Variants in FAM107B observed in about 807,000 individuals in gnomAD.
FAM107B encodes family with sequence similarity 107 member B.
A neutral mutation model predicts 31.5 loss-of-function variants in FAM107B; 21 were observed. The ratio of observed to expected loss-of-function variants is 0.67; its 90% CI spans 0.47 to 0.96. The LOEUF is 0.96. Among genes scored for constraint, FAM107B ranks in the 40% least tolerant of loss-of-function variants. The pLI is 0.00. For missense variants in FAM107B, 452 were observed against 377.1 expected (o/e 1.20, Z -1.64); for synonymous variants, 157 against 141.5 (o/e 1.11, Z -0.78).
rs1453329678 is a variant in FAM107B at position 14,558,624 on chromosome 10, T to C, written c.470-28109A>G. On this transcript the variant is annotated intron_variant, in intron 2 of 4. Transcript: ENST00000181796. Reference sequence around the variant, plus strand: ...TTTAACTGTATTCCTTCTCCATTTCTGAACTCAGCGTCTAAGGTGATCCTG... The same window carrying C: ...TTTAACTGTATTCCTTCTCCATTTCCGAACTCAGCGTCTAAGGTGATCCTG... Among the ~76,000 whole-genome samples the C allele has an allele frequency of 2.6e-5, 4 of 152,172 alleles. No homozygotes were observed. The East Asian group carries it at 7.7e-4, about 29-fold the overall frequency.
At position 14,689,998 on chromosome 10, in the gene FAM107B, A is replaced by AAAGG. The variant is rs150130671; in HGVS notation, c.412-22311_412-22308dup. ...AAGAAAAAAAGAAGAAAGAAAGACA[A>AAAGG]AAGGAAGGAAGGAAGGAAGGAAGGA... On this transcript the variant is annotated intron_variant, in intron 1 of 4. Coordinates refer to ENST00000181796, the MANE Select transcript of FAM107B (RefSeq NM_031453.4). 4.4e-3 allele frequency among the ~76,000 whole-genome samples: 561 copies of AAAGG among 127,368 alleles called. 4 individuals are homozygous for AAAGG. Among genetic ancestry groups the AAAGG allele is most frequent in the African/African-American group, 0.011 (347 of 32,548 alleles). 83.6% of individuals were successfully genotyped at this position (127,368 alleles called of 152,430 possible). A position where few individuals can be genotyped will look rare whatever the true frequency, so the allele number is the denominator to read the frequency against.
rs1023076788 is a variant in FAM107B, at chr10:14,553,259, C to A, written c.470-22744G>T. The A allele has an allele frequency of 3.2e-6, 3 of 949,714 alleles. No individual in the cohort carries two copies. In the African/African-American group the frequency reaches 5.3e-5, roughly 17 times the overall value. 58.8% of individuals were successfully genotyped at this position (949,714 alleles called of 1,614,324 possible). A position where few individuals can be genotyped will look rare whatever the true frequency, so the allele number is the denominator to read the frequency against. The stretch of plus-strand genomic sequence containing the variant: ...TATCTGTTCACAGGTAAGTTTTTCC[C>A]CTACATCATGATGAAAGCTGAGGAA... On this transcript the variant is annotated intron_variant, in intron 2 of 4. Coordinates refer to ENST00000181796, the MANE Select transcript of FAM107B (RefSeq NM_031453.4).
intron 1 of FAM107B, among the ~76,000 whole-genome samples, chr10:14,672,492 C>T (rs755467775): frequency 4.6e-5 from 7 of 152,264 alleles, no homozygotes; most frequent in South Asian, 2.1e-4. Flanking sequence ...CATTTACAGT[C>T]GTGTGTTGTC....
chr10:14,627,234 A>G (rs1853188517), intron 2 of FAM107B, among the ~76,000 whole-genome samples: 1 of 152,232 alleles, frequency 6.6e-6, no homozygotes, highest in Non-Finnish European at 1.5e-5. Context: ...ATTAATTCTT[A>G]AAGTATTGCA....
chr10:14,710,411 T>G (rs1195811346), intron 1 of FAM107B, among the ~76,000 whole-genome samples: 4 of 150,226 alleles, frequency 2.7e-5, no homozygotes, highest in Admixed American at 6.7e-5. Context: ...TATACATATT[T>G]TTTTGCCTGT....
rs565771518 is a variant in FAM107B at position 14,760,110 on chromosome 10, C to T, written c.411+14143G>A. Among the ~76,000 whole-genome samples, 27 of 152,252 alleles carry T rather than the reference C, an allele frequency of 1.8e-4. No individual in the cohort carries two copies. In the South Asian group the frequency reaches 2.3e-3, roughly 13 times the overall value. ...ACTTGATAGAAACAATTTAAGGCCA[C>T]GTGGGAGAATAGGTTCCAAGATAAT... is the stretch of plus-strand genomic sequence containing the variant. On this transcript the variant is annotated intron_variant, in intron 1 of 4. Coordinates refer to ENST00000181796, the MANE Select transcript of FAM107B (RefSeq NM_031453.4).
chr10:14,644,489 A>C (rs1853705537), intron 2 of FAM107B, among the ~76,000 whole-genome samples: 1 of 152,226 alleles, frequency 6.6e-6, no homozygotes, highest in Admixed American at 6.5e-5. Context: ...CACCATGTAC[A>C]TTTGTACATT....
intron 1 of FAM107B, among the ~76,000 whole-genome samples, chr10:14,707,883 C>A (rs1382702761): frequency 6.6e-6 from 1 of 152,054 alleles, no homozygotes; most frequent in Non-Finnish European, 1.5e-5. Context: ...GTGAAGGAGA[C>A]ACCAAGCTTA....
chr10:14,626,854 C>G (rs1853179093), intron 2 of FAM107B, among the ~76,000 whole-genome samples: 1 of 152,138 alleles, frequency 6.6e-6, no homozygotes, highest in Admixed American at 6.5e-5. Context: ...ATAAAAAGTA[C>G]TATGGAGCAC....
chr10:14,572,773 GTA>G (rs1318213186), intron 2 of FAM107B, among the ~76,000 whole-genome samples: 1 of 91,526 alleles, frequency 1.1e-5, no homozygotes, highest in Non-Finnish European at 2.4e-5. Context: ...GAGTGTGTGT[GTA>G]TATATGTTAT....
intron 2 of FAM107B, among the ~76,000 whole-genome samples, chr10:14,661,090 C>T (rs1006263236): frequency 6.6e-6 from 1 of 152,234 alleles, no homozygotes; most frequent in African/African-American, 2.4e-5. Flanking sequence ...CCTACTTCCC[C>T]TTCACCTTCT....
At chr10:14,705,288 T>C (rs1855494490) in intron 1 of FAM107B, among the ~76,000 whole-genome samples, 2 of 152,148 alleles carry the variant, frequency 1.3e-5, no homozygotes, top group African/African-American at 4.8e-5. Flanking sequence ...GCAGGTGCTA[T>C]AGAAAACAGT....
At chr10:14,539,370 C>G (rs920155138) in intron 2 of FAM107B, among the ~76,000 whole-genome samples, 17 of 152,144 alleles carry the variant, frequency 1.1e-4, no homozygotes, top group African/African-American at 3.6e-4. Flanking sequence ...TCCATGCAAA[C>G]TAGCAAATTA....
At chr10:14,739,881 T>C (rs541373858) in intron 1 of FAM107B, among the ~76,000 whole-genome samples, 22 of 152,298 alleles carry the variant, frequency 1.4e-4, no homozygotes, top group East Asian at 7.7e-4. Context: ...AGAGTCCTGA[T>C]GGCACTGTTT....
chr10:14,545,459 C>T (rs1487514484), intron 2 of FAM107B, among the ~76,000 whole-genome samples: 2 of 152,086 alleles, frequency 1.3e-5, no homozygotes, highest in African/African-American at 4.8e-5. Flanking sequence ...TCTTTGAAGG[C>T]TAAAAAAAGA....
intron 2 of FAM107B, among the ~76,000 whole-genome samples, chr10:14,551,070 G>A (rs937950174): frequency 1.2e-4 from 19 of 152,214 alleles, no homozygotes; most frequent in African/African-American, 4.6e-4. Flanking sequence ...ACTTAAAAAT[G>A]TAGCACAAAG....
intron 2 of FAM107B, among the ~76,000 whole-genome samples, chr10:14,600,310 C>T (rs1035593494): frequency 1.9e-4 from 29 of 152,158 alleles, no homozygotes; most frequent in Non-Finnish European, 2.2e-4. Context: ...TACGGTTTCC[C>T]GATCCACCTT....
At chr10:14,693,511 G>T (rs918824055) in intron 1 of FAM107B, among the ~76,000 whole-genome samples, 1 of 151,810 alleles carries the variant, frequency 6.6e-6, no homozygotes, top group Non-Finnish European at 1.5e-5. Context: ...GGACACTATG[G>T]GATACATATG....
At chr10:14,681,427 C>G (rs7079214) in intron 1 of FAM107B, among the ~76,000 whole-genome samples, 56,145 of 152,082 alleles carry the variant, frequency 0.37, 11,353 homozygotes, top group Non-Finnish European at 0.46. Context: ...TCATTGCATG[C>G]TCAAGGCCAC....
Sources: gnomAD v4.1 joint callset for allele counts (sites outside exome capture counted in the v4.1 genomes callset) on GRCh38, gnomAD v4.1.1 for gene constraint, MANE v1.5 for transcripts, NCBI Gene and HGNC (gene_info 2026-07-23, HGNC 2026-07-21) for gene names.